GPC5: variants seen among roughly 807,000 people sequenced by gnomAD.
GPC5 encodes the protein glypican 5.
GPC5 carries 47 observed loss-of-function variants against 53.9 expected under a neutral mutation model. The observed-to-expected ratio is 0.87, with a 90% CI of 0.69 to 1.11. The LOEUF (loss-of-function observed/expected upper bound fraction) is 1.11. GPC5 is among the 50% of genes most tolerant of loss of function. The pLI is 0.00. For missense variants in GPC5, 748 were observed against 713.1 expected, an observed-to-expected ratio of 1.05 and a Z score of -0.56; for synonymous variants, 286 against 263.3, an observed-to-expected ratio of 1.09 and a Z score of -0.84.
intron 7 of GPC5, among the ~76,000 whole-genome samples, chr13:92,561,690 T>A (rs1343925038): frequency 6.6e-6 from 1 of 152,050 alleles, no homozygotes; most frequent in African/African-American, 2.4e-5. Flanking sequence ...CTACAACTGA[T>A]TTAGTAAAGT....
intron 4 of GPC5, among the ~76,000 whole-genome samples, chr13:91,731,349 A>C (rs1031037183): frequency 6.6e-6 from 1 of 152,174 alleles, no homozygotes; most frequent in Non-Finnish European, 1.5e-5. Flanking sequence ...GCGAGGTGTT[A>C]GGAATCATCA....
chr13:92,186,357 G>A (rs750283494), intron 7 of GPC5, among the ~76,000 whole-genome samples: 3 of 151,906 alleles, frequency 2.0e-5, no homozygotes, highest in Non-Finnish European at 4.4e-5. Flanking sequence ...ATTGGATATA[G>A]TATAATTTCC....
At chr13:92,593,255 T>C (rs1245772212) in intron 7 of GPC5, among the ~76,000 whole-genome samples, 1 of 151,144 alleles carries the variant, frequency 6.6e-6, no homozygotes, top group East Asian at 1.9e-4. Flanking sequence ...CAGGAGTGCA[T>C]GACAGTGGCT....
intron 7 of GPC5, among the ~76,000 whole-genome samples, chr13:92,510,706 G>T (rs1307127838): frequency 6.6e-6 from 1 of 152,088 alleles, no homozygotes; most frequent in East Asian, 1.9e-4. Flanking sequence ...CGTGGCTCTG[G>T]CTCCTAGATC....
intron 6 of GPC5, among the ~76,000 whole-genome samples, chr13:91,926,222 A>G (rs962173665): frequency 1.3e-4 from 19 of 151,834 alleles, no homozygotes; most frequent in African/African-American, 4.4e-4. Flanking sequence ...TTAGCCAGGC[A>G]TGGTGGCATG....
chr13:91,689,393 C>G (rs898231325), intron 2 of GPC5, among the ~76,000 whole-genome samples: 2 of 149,148 alleles, frequency 1.3e-5, no homozygotes, highest in Non-Finnish European at 3.0e-5. Flanking sequence ...TTAGACTGTA[C>G]AAATACTGTA....
intron 6 of GPC5, among the ~76,000 whole-genome samples, chr13:91,982,150 T>G (rs762878255): frequency 1.3e-5 from 2 of 152,152 alleles, no homozygotes; most frequent in Non-Finnish European, 2.9e-5. Flanking sequence ...AAGACAGGAT[T>G]AGGGGAGCCA....
At position 91,659,444 on chromosome 13, in the gene GPC5, C is replaced by G. The variant is rs1031155126; in HGVS notation, c.326-33743C>G. Reference sequence around the variant, plus strand: ...GCAGCCTTGGAATACTAATGCCAGGCAGATGGTTGGTTATGGTCACATAGC... The same window carrying G: ...GCAGCCTTGGAATACTAATGCCAGGGAGATGGTTGGTTATGGTCACATAGC... On this transcript the variant is annotated intron_variant, in intron 2 of 7. Coordinates refer to ENST00000377067, the MANE Select transcript of GPC5 (RefSeq NM_004466.6). 1.3e-5 allele frequency among the ~76,000 whole-genome samples: 2 copies of G among 152,098 alleles called. 1 individual carries two copies. The highest frequency in any genetic ancestry group is 2.9e-5 in the Non-Finnish European group (2 of 68,018).
At chr13:92,129,183 C>A (rs1305106769) in intron 6 of GPC5, among the ~76,000 whole-genome samples, 2 of 152,136 alleles carry the variant, frequency 1.3e-5, no homozygotes, top group Non-Finnish European at 2.9e-5. Context: ...GAGATTAAAT[C>A]TGAGACTAAT....
At chr13:91,724,901 C>T (rs868615730) in intron 3 of GPC5, among the ~76,000 whole-genome samples, 3 of 152,076 alleles carry the variant, frequency 2.0e-5, no homozygotes, top group Non-Finnish European at 2.9e-5. Context: ...AGAGGAGCTC[C>T]GCTTTTTGAG....
At chr13:92,029,386 T>C (rs1174347774) in intron 6 of GPC5, among the ~76,000 whole-genome samples, 1 of 152,212 alleles carries the variant, frequency 6.6e-6, no homozygotes, top group Admixed American at 6.5e-5. Context: ...TTTCTTGACA[T>C]TCAACTGCTG....
chr13:92,168,114 G>A (rs979824444), intron 7 of GPC5, among the ~76,000 whole-genome samples: 1 of 152,138 alleles, frequency 6.6e-6, no homozygotes, highest in African/African-American at 2.4e-5. Context: ...AAGCCACAGA[G>A]TCCTAACACT....
intron 1 of GPC5, among the ~76,000 whole-genome samples, chr13:91,399,504 A>G (rs969809692): frequency 6.6e-6 from 1 of 152,208 alleles, no homozygotes; most frequent in African/African-American, 2.4e-5. Flanking sequence ...AGCAGACATC[A>G]GGGCGTGGGG....
chr13:92,007,984 A>C (rs2040623083), intron 6 of GPC5, among the ~76,000 whole-genome samples: 1 of 152,154 alleles, frequency 6.6e-6, no homozygotes, highest in South Asian at 2.1e-4. Context: ...CATATGTTAT[A>C]AATTCTATAA....
At chr13:92,676,327 A>G (rs1410182150) in intron 7 of GPC5, among the ~76,000 whole-genome samples, 1 of 152,154 alleles carries the variant, frequency 6.6e-6, no homozygotes, top group Non-Finnish European at 1.5e-5. Context: ...CTACTCAGAT[A>G]TTTGGGAATG....
At chr13:91,402,976 A>C (rs1877059342) in intron 1 of GPC5, among the ~76,000 whole-genome samples, 1 of 152,220 alleles carries the variant, frequency 6.6e-6, no homozygotes, top group Admixed American at 6.5e-5. Context: ...CTCCACTGCC[A>C]CACCACCGTT....
rs542738362 is a variant in GPC5, at chr13:91,727,408, G to A, written c.1021-1124G>A. On this transcript the variant is annotated intron_variant, in intron 3 of 7. Transcript: ENST00000377067. The stretch of plus-strand genomic sequence containing the variant: ...CTCACTTTTTTGACACATACAACTT[G>A]CATTTTGATGATTGGAAGGATTCCT... Among the ~76,000 whole-genome samples the A allele has an allele frequency of 7.2e-5, 11 of 152,102 alleles. No homozygotes were observed. In the South Asian group the frequency reaches 2.1e-3, roughly 29 times the overall value.
chr13:92,621,689 G>A (rs1223864727), intron 7 of GPC5, among the ~76,000 whole-genome samples: 1 of 151,896 alleles, frequency 6.6e-6, no homozygotes, highest in Non-Finnish European at 1.5e-5. Context: ...GTGTGGTGGC[G>A]GGCGCTTGTA....
intron 7 of GPC5, among the ~76,000 whole-genome samples, chr13:92,313,060 A>G (rs1455022889): frequency 6.6e-6 from 1 of 152,162 alleles, no homozygotes; most frequent in Non-Finnish European, 1.5e-5. Context: ...GATGTGGACC[A>G]CCTACTTGTT....
Sources: gnomAD v4.1 joint callset for allele counts (sites outside exome capture counted in the v4.1 genomes callset) on GRCh38, gnomAD v4.1.1 for gene constraint, MANE v1.5 for transcripts, NCBI Gene and HGNC (gene_info 2026-07-23, HGNC 2026-07-21) for gene names.